Variants in BMPR1A observed in about 807,000 individuals in gnomAD.
BMPR1A encodes the protein bone morphogenetic protein receptor type-1A.
BMPR1A carries 7 observed loss-of-function variants against 66.0 expected under a neutral mutation model. That is an observed-to-expected ratio of 0.11 (90% CI 0.06 to 0.20). The LOEUF is 0.20. Among genes scored for constraint, BMPR1A ranks in the 10% least tolerant of loss-of-function variants. The probability of loss-of-function intolerance (pLI) is 1.00; values close to 1 mark genes in which losing one functional copy is unlikely to be tolerated. For missense variants in BMPR1A, 408 were observed against 669.1 expected, an observed-to-expected ratio of 0.61 and a Z score of 4.31; for synonymous variants, 200 against 229.7, an observed-to-expected ratio of 0.87 and a Z score of 1.17.
intron 10 of BMPR1A, among the ~76,000 whole-genome samples, 163 bp from the exon 11 acceptor site, chr10:86,921,357 T>C (rs1471706551): frequency 1.3e-5 from 2 of 152,200 alleles, no homozygotes; most frequent in Non-Finnish European, 2.9e-5. Flanking sequence ...GGATGTCATG[T>C]AGTATGTAGC....
At chr10:86,804,999 T>G (rs1311374743) in intron 1 of BMPR1A, among the ~76,000 whole-genome samples, 1 of 152,078 alleles carries the variant, frequency 6.6e-6, no homozygotes, top group African/African-American at 2.4e-5. Flanking sequence ...CCCGGTAGCC[T>G]CAGGCGTTCC....
At chr10:86,900,852 C>T (rs763313466) in intron 7 of BMPR1A, among the ~76,000 whole-genome samples, 1 of 152,112 alleles carries the variant, frequency 6.6e-6, no homozygotes, top group African/African-American at 2.4e-5. Flanking sequence ...GAGATGGGGT[C>T]GAGAGGAGAG....
intron 1 of BMPR1A, among the ~76,000 whole-genome samples, chr10:86,796,354 T>A (rs1288207366): frequency 1.3e-5 from 2 of 152,088 alleles, no homozygotes; most frequent in African/African-American, 2.4e-5. Flanking sequence ...ACATTATTTG[T>A]CCATTAAGAA....
chr10:86,763,469 T>TA (rs891808023), intron 1 of BMPR1A, among the ~76,000 whole-genome samples: 1 of 152,082 alleles, frequency 6.6e-6, no homozygotes, highest in African/African-American at 2.4e-5. Flanking sequence ...TTTTTCTGCT[T>TA]AAAAAAAGAA....
chr10:86,848,658 T>C (rs915258929), intron 2 of BMPR1A, among the ~76,000 whole-genome samples: 2 of 152,210 alleles, frequency 1.3e-5, no homozygotes, highest in Non-Finnish European at 2.9e-5. Flanking sequence ...ATAATATTCT[T>C]CTATTTTTAA....
chr10:86,932,607 CT>C (rs1359639605), downstream of BMPR1A: 2 of 152,266 alleles, frequency 1.3e-5, no homozygotes, highest in African/African-American at 4.8e-5. Flanking sequence ...TCCACGTCCA[CT>C]ACCCGCTCCA....
At chr10:86,782,972 CTA>C (rs1841459814) in intron 1 of BMPR1A, among the ~76,000 whole-genome samples, 1 of 152,138 alleles carries the variant, frequency 6.6e-6, no homozygotes, top group South Asian at 2.1e-4. Context: ...TGAAGCTTCT[CTA>C]TGTTTCCTTC....
intron 2 of BMPR1A, among the ~76,000 whole-genome samples, chr10:86,840,676 G>A (rs1274589683): frequency 3.3e-5 from 5 of 152,082 alleles, no homozygotes; most frequent in Admixed American, 1.3e-4. Context: ...TAGTGCCTCA[G>A]ACTTCCCATT....
At chr10:86,887,939 G>A (rs1277192634) in intron 3 of BMPR1A, among the ~76,000 whole-genome samples, 1 of 152,102 alleles carries the variant, frequency 6.6e-6, no homozygotes, top group Non-Finnish European at 1.5e-5. Context: ...CTCATTTCCT[G>A]CTCAGTGGAT....
rs144382919 is a variant in BMPR1A at position 86,805,810 on chromosome 10, A to G, written c.-267-33055A>G. Among the ~76,000 whole-genome samples, 794 of 151,816 alleles carry G rather than the reference A, an allele frequency of 5.2e-3. 10 individuals carry two copies. The highest frequency in any genetic ancestry group is 0.018 in the African/African-American group (744 of 41,382). On this transcript the variant is annotated intron_variant, in intron 1 of 12. Coordinates refer to ENST00000372037, the MANE Select transcript of BMPR1A (RefSeq NM_004329.3). ...TGGATATTCTGTGTAATCATTCTTC[A>G]GTTATCAAATTCAGGGAGTTTAACA...
intron 2 of BMPR1A, among the ~76,000 whole-genome samples, chr10:86,859,228 C>A (rs191758044): frequency 2.2e-4 from 33 of 152,246 alleles, no homozygotes; most frequent in Admixed American, 2.0e-3. Flanking sequence ...TGAAACTGTA[C>A]CCCTGTCTTT....
chr10:86,817,703 G>A (rs1842054729), intron 1 of BMPR1A, among the ~76,000 whole-genome samples: 1 of 152,162 alleles, frequency 6.6e-6, no homozygotes. Flanking sequence ...TGAGGAGATT[G>A]AATGAGTAAT....
chr10:86,764,535 G>C (rs1841133048), intron 1 of BMPR1A, among the ~76,000 whole-genome samples: 1 of 152,200 alleles, frequency 6.6e-6, no homozygotes, highest in Non-Finnish European at 1.5e-5. Flanking sequence ...CTGAAGTACT[G>C]CTTTGGTCAT....
chr10:86,805,179 G>A (rs1299553879), intron 1 of BMPR1A, among the ~76,000 whole-genome samples: 2 of 151,818 alleles, frequency 1.3e-5, no homozygotes, highest in East Asian at 3.9e-4. Context: ...ACAAATTTAT[G>A]GTCTGAGGTA....
intron 3 of BMPR1A, among the ~76,000 whole-genome samples, chr10:86,880,842 A>G (rs1440145836): frequency 6.6e-6 from 1 of 152,208 alleles, no homozygotes; most frequent in Non-Finnish European, 1.5e-5. Context: ...TTGAATACTA[A>G]TTGTAGTGGA....
intron 2 of BMPR1A, among the ~76,000 whole-genome samples, chr10:86,844,978 G>T (rs976239634): frequency 6.6e-6 from 1 of 152,202 alleles, no homozygotes; most frequent in African/African-American, 2.4e-5. Flanking sequence ...GTTTCGCCAT[G>T]TTGGCCAGGC....
intron 1 of BMPR1A, among the ~76,000 whole-genome samples, chr10:86,792,906 GATA>G (rs1487669510): frequency 1.3e-5 from 2 of 152,076 alleles, no homozygotes; most frequent in African/African-American, 2.4e-5. Context: ...ATATAAATGG[GATA>G]ATAATAGCAC....
intron 1 of BMPR1A, among the ~76,000 whole-genome samples, chr10:86,781,663 A>G (rs1333912564): frequency 6.6e-6 from 1 of 150,680 alleles, no homozygotes; most frequent in African/African-American, 2.4e-5. Flanking sequence ...CTTTAGAGCA[A>G]CTCCCTATTT....
At chr10:86,877,875 A>G (rs1191832823) in intron 3 of BMPR1A, among the ~76,000 whole-genome samples, 7 of 152,220 alleles carry the variant, frequency 4.6e-5, no homozygotes, top group Admixed American at 3.9e-4. Flanking sequence ...CAAAATTCTC[A>G]GTCTTCGCCC....
Sources: gnomAD v4.1 joint callset for allele counts (sites outside exome capture counted in the v4.1 genomes callset) on GRCh38, gnomAD v4.1.1 for gene constraint, MANE v1.5 for transcripts, NCBI Gene and HGNC (gene_info 2026-07-23, HGNC 2026-07-21) for gene names.